Variants in CEP112 observed in about 807,000 individuals in gnomAD.
CEP112 encodes centrosomal protein of 112 kDa.
In CEP112, 127 loss-of-function variants were observed where a neutral mutation model predicts 153.0. The observed-to-expected ratio is 0.83, with a 90% confidence interval of 0.72 to 0.96. CEP112 has a LOEUF of 0.96. Among genes scored for constraint, CEP112 ranks in the 40% least tolerant of loss-of-function variants. The probability of loss-of-function intolerance (pLI) is 0.00; values close to 1 mark genes in which losing one functional copy is unlikely to be tolerated. For missense variants in CEP112, 1,089 were observed against 1,101.2 expected (o/e 0.99, Z 0.16); for synonymous variants, 358 against 374.4 (o/e 0.96, Z 0.51).
chr17:65,930,773 T>G (rs1413717410), intron 18 of CEP112, among the ~76,000 whole-genome samples: 2 of 152,218 alleles, frequency 1.3e-5, no homozygotes, highest in African/African-American at 4.8e-5. Flanking sequence ...CAGACTCCAG[T>G]ACCCTTGATA....
chr17:65,722,468 C>T (rs1003144827), intron 23 of CEP112, among the ~76,000 whole-genome samples: 2 of 152,084 alleles, frequency 1.3e-5, no homozygotes, highest in African/African-American at 2.4e-5. Flanking sequence ...AGGTTGGTCT[C>T]GAACTCCTGA....
intron 8 of CEP112, among the ~76,000 whole-genome samples, chr17:66,071,910 C>A (rs995617221): frequency 1.1e-4 from 16 of 152,096 alleles, no homozygotes; most frequent in Non-Finnish European, 2.2e-4. Context: ...TTTTGTGTAT[C>A]TTTTTATTTT....
chr17:65,842,322 T>G (rs2057548292), intron 21 of CEP112, among the ~76,000 whole-genome samples: 1 of 152,140 alleles, frequency 6.6e-6, no homozygotes, highest in Non-Finnish European at 1.5e-5. Flanking sequence ...TCTCTTTTAA[T>G]TTTCTCCAAG....
At chr17:65,691,812 T>A (rs2048117642) in intron 23 of CEP112, among the ~76,000 whole-genome samples, 1 of 152,236 alleles carries the variant, frequency 6.6e-6, no homozygotes, top group African/African-American at 2.4e-5. Flanking sequence ...GTTATCTATT[T>A]TTTTTGTCAC....
At chr17:66,186,320 GA>G in intron 1 of CEP112, among the ~76,000 whole-genome samples, 1 of 151,364 alleles carries the variant, frequency 6.6e-6, no homozygotes, top group East Asian at 2.0e-4. Flanking sequence ...TTCGTTTTTT[GA>G]GACAGAATCT....
chr17:65,684,385 T>C (rs890181837), intron 24 of CEP112, among the ~76,000 whole-genome samples: 4 of 152,230 alleles, frequency 2.6e-5, no homozygotes, highest in Non-Finnish European at 5.9e-5. Context: ...ATTCATACTT[T>C]CAAATTTTAA....
intron 21 of CEP112, among the ~76,000 whole-genome samples, chr17:65,828,297 C>A (rs1216268188): frequency 6.6e-6 from 1 of 152,196 alleles, no homozygotes; most frequent in Non-Finnish European, 1.5e-5. Flanking sequence ...CCAGGTGTGC[C>A]CCTGGGACTG....
At chr17:65,918,962 G>A (rs192289027) in intron 19 of CEP112, among the ~76,000 whole-genome samples, 2 of 152,338 alleles carry the variant, frequency 1.3e-5, no homozygotes, top group African/African-American at 4.8e-5. Flanking sequence ...CTGAGGCCCA[G>A]AGGCACAAGT....
chr17:65,999,223 G>T (rs1278897993), intron 17 of CEP112, among the ~76,000 whole-genome samples: 1 of 144,874 alleles, frequency 6.9e-6, no homozygotes, highest in African/African-American at 2.5e-5. Context: ...TTGAGACGGA[G>T]TCTCGCTCTT....
At chr17:65,690,867 T>C (rs2048075599) in intron 23 of CEP112, among the ~76,000 whole-genome samples, 1 of 152,054 alleles carries the variant, frequency 6.6e-6, no homozygotes, top group Admixed American at 6.6e-5. Flanking sequence ...TGCCCAGAGA[T>C]AGACAGGAAG....
At chr17:65,951,148 T>A (rs1055824955) in intron 18 of CEP112, among the ~76,000 whole-genome samples, 4 of 152,160 alleles carry the variant, frequency 2.6e-5, no homozygotes, top group African/African-American at 9.6e-5. Context: ...CAAAATCTCA[T>A]GAAGGGCTTT....
In CEP112 at chr17:65,883,287, G is replaced by GTA. The variant is rs550926522; in HGVS notation, c.2163+18863_2163+18864dup. ...ACATATATATATATATATATGAAGTGTATATATATATACACACACACACTT... is the reference window on the plus strand; with the variant it reads ...ACATATATATATATATATATGAAGTGTATATATATATATACACACACACACTT... On this transcript the variant is annotated intron_variant, in intron 20 of 26. Transcript: ENST00000535342. Among the ~76,000 whole-genome samples the GTA allele has an allele frequency of 9.0e-4, 134 of 148,090 alleles. 2 individuals are homozygous for GTA. Among genetic ancestry groups the GTA allele is most frequent in the South Asian group, 8.2e-3 (39 of 4,756 alleles).
intron 23 of CEP112, among the ~76,000 whole-genome samples, chr17:65,712,042 A>G (rs2049215452): frequency 6.6e-6 from 1 of 152,196 alleles, no homozygotes; most frequent in Non-Finnish European, 1.5e-5. Flanking sequence ...TTTGCATCAC[A>G]GAGTCCATCG....
At chr17:65,963,649 C>T (rs1000508401) in intron 17 of CEP112, among the ~76,000 whole-genome samples, 2 of 149,808 alleles carry the variant, frequency 1.3e-5, no homozygotes, top group Non-Finnish European at 3.0e-5. Flanking sequence ...ATATAGATAT[C>T]GATATAGATA....
In CEP112 at chr17:66,005,702, TCAA is replaced by T; in HGVS notation, c.1721_1723del (p.Phe574_Glu575delinsTer). 6.2e-7 allele frequency: 1 copy of T among 1,610,136 alleles called. No homozygotes were observed. Among genetic ancestry groups the T allele is most frequent in the South Asian group, 1.1e-5 (1 of 90,432 alleles). On this transcript the variant is annotated stop_gained and inframe_deletion, in exon 17 of 27. Transcript: ENST00000535342. LOFTEE classifies it high-confidence loss of function. The stretch of plus-strand genomic sequence containing the variant: ...CAATTTTACTCACTTCAAAGCTTCC[TCAA>T]ATTTATGAATTTTCTTTTGAGTATC...
At chr17:65,936,101 G>A (rs1378706873) in intron 18 of CEP112, among the ~76,000 whole-genome samples, 1 of 152,096 alleles carries the variant, frequency 6.6e-6, no homozygotes, top group Non-Finnish European at 1.5e-5. Context: ...AAACAAGGGA[G>A]AATTACGAAC....
intron 17 of CEP112, among the ~76,000 whole-genome samples, chr17:65,981,030 G>A (rs575625163): frequency 1.2e-4 from 18 of 152,180 alleles, no homozygotes; most frequent in African/African-American, 4.3e-4. Context: ...TGACCAGGCT[G>A]GTCTTGAACT....
chr17:65,733,550 C>A (rs187301684), intron 23 of CEP112, among the ~76,000 whole-genome samples: 1 of 152,044 alleles, frequency 6.6e-6, no homozygotes. Context: ...ATATACAAGG[C>A]GCACGATATT....
At position 66,066,873 on chromosome 17, in the gene CEP112, A is replaced by G; in HGVS notation, c.860T>C (p.Leu287Ser). 1 of 1,519,006 alleles carries G rather than the reference A, an allele frequency of 6.6e-7. No homozygotes were observed. Among genetic ancestry groups the G allele is most frequent in the South Asian group, 1.3e-5 (1 of 79,690 alleles). The allele number at this position is 1,519,006 out of a possible 1,614,324, so 94.1% of individuals were successfully genotyped here. ...QKHDADVQKI[L>S]ERKNNEIEEL... ...TTCTATTTCATTATTCTTTCTTTCT[A>G]AAATCTGCAAATAAATTTAAAATAT... is the stretch of plus-strand genomic sequence containing the variant. The change falls in exon 10 of 27, where the codon TTA becomes TCA. Residue 287 changes from leucine to serine, a missense_variant. Transcript: ENST00000535342.
Sources: allele counts gnomAD v4.1 joint callset (sites outside exome capture counted in the v4.1 genomes callset), GRCh38; gene constraint gnomAD v4.1.1; transcripts MANE v1.5; gene names NCBI Gene and HGNC (gene_info 2026-07-23, HGNC 2026-07-21).